SIPA1L2: variants seen among roughly 807,000 people sequenced by gnomAD.
The protein encoded by SIPA1L2 is signal induced proliferation associated 1 like 2.
A neutral mutation model predicts 163.9 loss-of-function variants in SIPA1L2; 56 were observed. The ratio of observed to expected loss-of-function variants is 0.34; its 90% CI spans 0.28 to 0.43. The LOEUF is 0.43. Among genes scored for constraint, SIPA1L2 ranks in the 20% least tolerant of loss-of-function variants. The pLI is 1.00. For synonymous variants in SIPA1L2, 877 were observed against 865.7 expected (o/e 1.01, Z -0.23); for missense variants, 1,974 against 2,193.5 (o/e 0.90, Z 2.00).
Position 232,514,525 on chromosome 1 carries a change from C to T in SIPA1L2, c.815G>A (p.Arg272Lys). Reference sequence around the variant, plus strand: ...CCGTTTGAAAGGCTTGTCCCTGTCTCTCCCCATCAGGAGGGCACTGTCCAC... The same window carrying T: ...CCGTTTGAAAGGCTTGTCCCTGTCTTTCCCCATCAGGAGGGCACTGTCCAC... ...DYVDSALLMG[R>K]DRDKPFKRRL... Residue 272 changes from arginine to lysine, a missense_variant, in exon 3 of 23, where the codon AGA (arginine) becomes AAA (lysine). By Grantham distance (26) the Arg-to-Lys change is conservative. Around this residue, in one of 3 missense-constraint regions of SIPA1L2, gnomAD observed 607 missense variants for 624.0 expected, o/e 0.97. Transcript: ENST00000674635. 1.2e-6 allele frequency: 2 copies of T among 1,614,180 alleles called. No individual in the cohort carries two copies. The highest frequency in any genetic ancestry group is 1.7e-6 in the Non-Finnish European group (2 of 1,180,032).
chr1:232,484,495 T>C (rs763298620), intron 5 of SIPA1L2, among the ~76,000 whole-genome samples: 6 of 152,240 alleles, frequency 3.9e-5, no homozygotes, highest in Non-Finnish European at 8.8e-5. Context: ...CAATGGAAAT[T>C]ATGATATATG....
At chr1:232,416,164 G>A (rs1043354880) in intron 18 of SIPA1L2, among the ~76,000 whole-genome samples, 6 of 151,950 alleles carry the variant, frequency 3.9e-5, no homozygotes, top group Non-Finnish European at 8.8e-5. Flanking sequence ...TCAGTCAGTC[G>A]GAGCACAGCA....
intron 1 of SIPA1L2, among the ~76,000 whole-genome samples, chr1:232,613,920 T>C (rs1259542314): frequency 1.3e-5 from 2 of 152,324 alleles, no homozygotes; most frequent in East Asian, 3.9e-4. Context: ...CAAGTCTTTA[T>C]TCCGAGTCCA....
chr1:232,440,701 T>C (rs1402506185), intron 14 of SIPA1L2, among the ~76,000 whole-genome samples: 1 of 152,264 alleles, frequency 6.6e-6, no homozygotes, highest in Non-Finnish European at 1.5e-5. Flanking sequence ...GTTGGCTTTA[T>C]TTGTAATAAC....
intron 15 of SIPA1L2, among the ~76,000 whole-genome samples, chr1:232,434,243 A>T (rs965423339): frequency 6.6e-6 from 1 of 152,234 alleles, no homozygotes. Context: ...TAAAAATAAG[A>T]GTGATATTAA....
chr1:232,600,291 A>G (rs1661524061), intron 1 of SIPA1L2, among the ~76,000 whole-genome samples: 1 of 138,912 alleles, frequency 7.2e-6, no homozygotes, highest in African/African-American at 2.5e-5. Flanking sequence ...ATTAGAAAAC[A>G]CATTCTGAAA....
At chr1:232,504,465 G>A (rs921786446) in intron 3 of SIPA1L2, among the ~76,000 whole-genome samples, 3 of 151,910 alleles carry the variant, frequency 2.0e-5, no homozygotes, top group African/African-American at 7.3e-5. Flanking sequence ...ATGAACCTGG[G>A]AGGTTGAGGT....
intron 13 of SIPA1L2, 49 bp from the exon 14 acceptor site, chr1:232,441,443 A>G: frequency 1.4e-6 from 2 of 1,443,928 alleles, no homozygotes; most frequent in Non-Finnish European, 1.9e-6. Context: ...CAGTATTACC[A>G]AAAGAGTAAA....
intron 18 of SIPA1L2, among the ~76,000 whole-genome samples, chr1:232,416,381 G>A (rs1316639971): frequency 6.6e-6 from 1 of 152,248 alleles, no homozygotes; most frequent in Non-Finnish European, 1.5e-5. Flanking sequence ...TGTAAGGGCA[G>A]GGATGGCAGG....
chr1:232,575,279 G>A (rs1269863941), intron 1 of SIPA1L2, among the ~76,000 whole-genome samples: 2 of 152,068 alleles, frequency 1.3e-5, no homozygotes, highest in Non-Finnish European at 2.9e-5. Context: ...CAAGAAGGAG[G>A]GCACCCCAGA....
intron 10 of SIPA1L2, among the ~76,000 whole-genome samples, chr1:232,454,663 A>G (rs752755177): frequency 2.6e-5 from 4 of 152,208 alleles, no homozygotes; most frequent in African/African-American, 4.8e-5. Flanking sequence ...GATGGTTACT[A>G]GTCTAACACA....
chr1:232,627,519 G>A (rs57199354), intron 1 of SIPA1L2, among the ~76,000 whole-genome samples: 2,975 of 151,868 alleles, frequency 0.02, 92 homozygotes, highest in African/African-American at 0.068. Flanking sequence ...CCAGTCTTGC[G>A]GGGTGAGGGG....
intron 1 of SIPA1L2, among the ~76,000 whole-genome samples, chr1:232,623,013 C>A (rs1386202067): frequency 6.6e-6 from 1 of 152,186 alleles, no homozygotes; most frequent in African/African-American, 2.4e-5. Context: ...AATGTCCCTG[C>A]CTGTTTGCTG....
At chr1:232,406,101 G>A (rs12045182) in intron 19 of SIPA1L2, among the ~76,000 whole-genome samples, 79,013 of 152,010 alleles carry the variant, frequency 0.52, 21,120 homozygotes, top group East Asian at 0.74. Flanking sequence ...CAGACACCAA[G>A]CTACTTTATA....
intron 22 of SIPA1L2, among the ~76,000 whole-genome samples, chr1:232,399,926 T>C (rs1660233371): frequency 6.6e-6 from 1 of 152,184 alleles, no homozygotes; most frequent in Non-Finnish European, 1.5e-5. Flanking sequence ...TCGGTATTTC[T>C]GTAACGGGAT....
intron 1 of SIPA1L2, among the ~76,000 whole-genome samples, chr1:232,591,569 C>T (rs1335671402): frequency 6.6e-6 from 1 of 152,244 alleles, no homozygotes; most frequent in Non-Finnish European, 1.5e-5. Context: ...CCATCTGGCA[C>T]CTCTGCCTTT....
At chr1:232,437,661 C>A (rs553891882) in intron 15 of SIPA1L2, among the ~76,000 whole-genome samples, 1 of 152,248 alleles carries the variant, frequency 6.6e-6, no homozygotes, top group African/African-American at 2.4e-5. Flanking sequence ...CCAGCCCAGG[C>A]TGAGGGCCCC....
At chr1:232,609,000 GA>G (rs11374955) in intron 1 of SIPA1L2, among the ~76,000 whole-genome samples, 34 of 149,156 alleles carry the variant, frequency 2.3e-4, no homozygotes, top group African/African-American at 7.4e-4. Context: ...TGTGAAAAAA[GA>G]AAAAAAAAAA....
chr1:232,533,704 G>C (rs1190142025), intron 2 of SIPA1L2, among the ~76,000 whole-genome samples: 1 of 152,186 alleles, frequency 6.6e-6, no homozygotes, highest in Non-Finnish European at 1.5e-5. Context: ...CACAGCCTCT[G>C]CTAGACCCTT....
Sources: gnomAD v4.1 joint callset for allele counts (sites outside exome capture counted in the v4.1 genomes callset) on GRCh38, gnomAD v4.1.1 for gene constraint, gnomAD v4.1.1 regional missense constraint, MANE v1.5 for transcripts, NCBI Gene and HGNC (gene_info 2026-07-23, HGNC 2026-07-21) for gene names.